Variants in PARP9 observed in about 807,000 individuals in gnomAD.
PARP9 encodes protein mono-ADP-ribosyltransferase PARP9.
In PARP9, 48 loss-of-function variants were observed where a neutral mutation model predicts 68.8. That is an observed-to-expected ratio of 0.70 (90% CI 0.55 to 0.89). The LOEUF (loss-of-function observed/expected upper bound fraction) is 0.89, where lower values mean the gene tolerates loss of function less well. Among genes scored for constraint, PARP9 ranks in the 40% least tolerant of loss-of-function variants. The probability of loss-of-function intolerance (pLI) is 0.00; values close to 1 mark genes in which losing one functional copy is unlikely to be tolerated. For synonymous variants in PARP9, 309 were observed against 333.8 expected (o/e 0.93, Z 0.81); for missense variants, 806 against 969.3 (o/e 0.83, Z 2.24).
In PARP9 at chr3:122,562,349, AT is replaced by A. The variant is rs58857328; in HGVS notation, c.-90+1895del. Among the ~76,000 whole-genome samples the A allele has an allele frequency of 8.7e-3, 1,240 of 142,548 alleles. 8 individuals are homozygous for A. The highest frequency in any genetic ancestry group is 0.027 in the African/African-American group (1,028 of 38,594). The allele number at this position is 142,548 out of a possible 152,430, so 93.5% of individuals were successfully genotyped here. On this transcript the variant is annotated intron_variant, in intron 1 of 10. Transcript: ENST00000682323. ...AGGCGCCCACCACCACGCCTGGCTA[AT>A]TTTTTTTTTTTTTGTATTTTTTTTA...
At chr3:122,558,618 C>A in intron 2 of PARP9, 151 bp from the exon 3 acceptor site, 2 of 895,694 alleles carry the variant, frequency 2.2e-6, no homozygotes, top group South Asian at 3.9e-5. Flanking sequence ...TTTTTTAAAT[C>A]TGCATGCCCG....
At chr3:122,535,563 G>C in intron 10 of PARP9, 4 of 985,350 alleles carry the variant, frequency 4.1e-6, no homozygotes, top group Non-Finnish European at 4.8e-6. Context: ...TAGTGACTGA[G>C]GAGTAGAGGG....
chr3:122,554,471 A>G (rs1265245429), intron 4 of PARP9, among the ~76,000 whole-genome samples: 1 of 152,192 alleles, frequency 6.6e-6, no homozygotes. Flanking sequence ...TTGGGATCAA[A>G]GATTGTTCTA....
intron 8 of PARP9, among the ~76,000 whole-genome samples, chr3:122,538,155 A>G (rs2077793900): frequency 6.6e-6 from 1 of 152,234 alleles, no homozygotes; most frequent in Non-Finnish European, 1.5e-5. Context: ...CAAAGCCCAG[A>G]AACTACAACA....
At chr3:122,557,906 A>G (rs1184670360) in intron 3 of PARP9, among the ~76,000 whole-genome samples, 1 of 151,624 alleles carries the variant, frequency 6.6e-6, no homozygotes, top group Non-Finnish European at 1.5e-5. Context: ...AGTATTGTTA[A>G]AATGTGAAAA....
At chr3:122,545,411 G>A (rs1304222220) in intron 7 of PARP9, 21 bp downstream of exon 7, 1 of 1,612,658 alleles carries the variant, frequency 6.2e-7, no homozygotes, top group Non-Finnish European at 8.5e-7. Context: ...CTACTTATTG[G>A]CCTGTGAATT....
intron 10 of PARP9, chr3:122,535,941 C>T (rs2077608963): frequency 1.4e-6 from 2 of 1,413,334 alleles, no homozygotes; most frequent in Admixed American, 6.0e-5. Context: ...ACTGCTCACA[C>T]TTTTCATCAA....
At position 122,555,789 on chromosome 3, in the gene PARP9, C is replaced by T. The variant is rs750420645; in HGVS notation, c.382G>A (p.Glu128Lys). The change falls in exon 4 of 11, where the codon GAA (glutamate) becomes AAA (lysine). Residue 128 changes from glutamate (E) to lysine (K), a missense_variant. Around this residue, in one of 2 missense-constraint regions of PARP9, gnomAD observed 680 missense variants for 858.8 expected, o/e 0.79. Coordinates refer to ENST00000682323, the MANE Select transcript of PARP9 (RefSeq NM_001146105.2). ...LVKAGGFEIQ[E>K]ESKQFVARYG... The stretch of plus-strand genomic sequence containing the variant: ...CTGGCAACAAACTGTTTGCTCTCTT[C>T]TTGGATTTCAAATCCACCAGCTTTT... 2 of 1,614,124 alleles carry T rather than the reference C, an allele frequency of 1.2e-6. No individual in the cohort carries two copies. The highest frequency in any genetic ancestry group is 2.2e-5 in the South Asian group (2 of 91,084).
chr3:122,554,743 A>T (rs1490499899), intron 4 of PARP9, among the ~76,000 whole-genome samples: 1 of 152,134 alleles, frequency 6.6e-6, no homozygotes, highest in Non-Finnish European at 1.5e-5. Flanking sequence ...TATTATTATT[A>T]TTTTTAGAGT....
chr3:122,550,771 T>C lies in PARP9; in HGVS notation c.1139A>G (p.Glu380Gly), dbSNP rs2079135095. The C allele has an allele frequency of 3.1e-6, 5 of 1,614,050 alleles. No homozygotes were observed. The African/African-American group carries it at 6.7e-5, about 22-fold the overall frequency. Residue 380 changes from glutamate to glycine, a missense_variant, in exon 6 of 11, where the codon GAA becomes GGA. Transcript: ENST00000682323. Reference protein sequence around the residue: ...ILKHAMKECLEKCIEQNITSI... With the variant: ...ILKHAMKECLGKCIEQNITSI... Reference sequence around the variant, plus strand: ...AGTTATATTTTGCTCAATGCATTTTTCCAAACACTCCTTCATTGCATGTTT... The same window carrying C: ...AGTTATATTTTGCTCAATGCATTTTCCCAAACACTCCTTCATTGCATGTTT...
Position 122,556,120 on chromosome 3 carries a change from C to T in PARP9, c.51G>A (p.Glu17=), listed in dbSNP as rs2079615521. The change falls in exon 4 of 11, where the codon GAG becomes GAA. Residue 17 remains glutamate, a splice_region_variant and synonymous_variant. Transcript: ENST00000682323. ...TATAGTTTTCTCCAAGAGCACCAGT[C>T]TCTGGAAAAGAAGAGAAGATTAAAA... ...AGAAAYNEKS[E]TGALGENYSW... 1 of 454,910 alleles carries T rather than the reference C, an allele frequency of 2.2e-6. No homozygotes were observed. 28.2% of individuals were successfully genotyped at this position (454,910 alleles called of 1,614,324 possible).
intron 9 of PARP9, 60 bp downstream of exon 9, chr3:122,536,874 C>T: frequency 6.4e-7 from 1 of 1,553,610 alleles, no homozygotes. Flanking sequence ...TTTCCTTTGG[C>T]TACAGAAACA....
Position 122,555,393 on chromosome 3 carries a change from T to A in PARP9, c.778A>T (p.Ile260Phe). The A allele has an allele frequency of 1.2e-6, 2 of 1,614,140 alleles. No individual in the cohort carries two copies. Among genetic ancestry groups the A allele is most frequent in the Non-Finnish European group, 8.5e-7 (1 of 1,180,020 alleles). The change falls in exon 4 of 11, where the codon ATC becomes TTC. Residue 260 changes from isoleucine to phenylalanine, a missense_variant. Ile to Phe is a conservative substitution (Grantham distance 21, BLOSUM62 0). Transcript: ENST00000682323. ...TGTCCCAGCTCACTCTTCCCTAGGA[T>A]GAATTCTGAAGCAGCTTTAAAGGCA... ...VAAFKAASEF[I>F]LGKSELGQET...
Position 122,528,394 on chromosome 3 carries a change from C to T in PARP9, c.2430G>A (p.Arg810=), listed in dbSNP as rs2077075836. Residue 810 remains arginine (R), a synonymous_variant, in exon 11 of 11, where the codon AGG becomes AGA. Transcript: ENST00000682323. The part of the protein sequence containing the change: ...PMRPFAQHPW[R]GFASGSPVD Reference sequence around the variant, plus strand: ...CAACAGGGCTGCCACTTGCGAATCCCCTCCAAGGATGCTGTGCAAAGGGTC... The same window carrying T: ...CAACAGGGCTGCCACTTGCGAATCCTCTCCAAGGATGCTGTGCAAAGGGTC... The T allele has an allele frequency of 6.2e-7, 1 of 1,614,050 alleles. No individual in the cohort carries two copies. The highest frequency in any genetic ancestry group is 8.5e-7 in the Non-Finnish European group (1 of 1,179,948).
In PARP9 at chr3:122,528,228, G is replaced by C. The variant is rs114569472; in HGVS notation, c.*136C>G. 0.026 allele frequency: 30,420 copies of C among 1,166,374 alleles called. 520 individuals are homozygous for C. The highest frequency in any genetic ancestry group is 0.033 in the Non-Finnish European group (27,178 of 825,826). The allele number at this position is 1,166,374 out of a possible 1,614,324, so 72.3% of individuals were successfully genotyped here. On this transcript the variant is annotated 3_prime_UTR_variant, in exon 11 of 11. Transcript: ENST00000682323. ...GCACTAAGATGCTAGTATGTGGCTA[G>C]TCCTTTCAATAACCCAGTCAGTCCA...
intron 6 of PARP9, 51 bp downstream of exon 6, chr3:122,550,529 CTGAA>C (rs571811126): frequency 1.1e-4 from 141 of 1,328,528 alleles, no homozygotes; most frequent in Middle Eastern, 5.2e-4. Context: ...ACAGATGTTG[CTGAA>C]TGAATGAATG....
chr3:122,535,039 T>C, intron 10 of PARP9: 1 of 981,010 alleles, frequency 1.0e-6, no homozygotes, highest in African/African-American at 1.7e-5. Flanking sequence ...GCAGAGTCTG[T>C]CACAGGACTG....
At chr3:122,558,059 T>C (rs980456442) in intron 3 of PARP9, among the ~76,000 whole-genome samples, 14 of 152,234 alleles carry the variant, frequency 9.2e-5, no homozygotes, top group African/African-American at 2.9e-4. Context: ...TCAGGCCCTA[T>C]TGGCCTGAGC....
At chr3:122,553,924 G>T (rs1041603330) in intron 4 of PARP9, among the ~76,000 whole-genome samples, 1 of 151,898 alleles carries the variant, frequency 6.6e-6, no homozygotes, top group Non-Finnish European at 1.5e-5. Context: ...CATCTTTAAG[G>T]TGCTCTCCGT....
Sources: gnomAD v4.1 joint callset for allele counts (sites outside exome capture counted in the v4.1 genomes callset) on GRCh38, gnomAD v4.1.1 for gene constraint, gnomAD v4.1.1 regional missense constraint, MANE v1.5 for transcripts, NCBI Gene and HGNC (gene_info 2026-07-23, HGNC 2026-07-21) for gene names.